The following TRIM3 variants were observed in gnomAD, a reference collection of about 807,000 sequenced individuals.
The protein encoded by TRIM3 is tripartite motif containing 3, also known as tripartite motif-containing protein 3.
A neutral mutation model predicts 66.6 loss-of-function variants in TRIM3; 13 were observed. The observed-to-expected ratio is 0.20, with a 90% CI of 0.13 to 0.31. The LOEUF is 0.31. Ranked by LOEUF, TRIM3 falls within the 10% of genes least tolerant of loss-of-function variation. The pLI, the probability that TRIM3 is intolerant of heterozygous loss-of-function variation, is 1.00. For missense variants in TRIM3, 711 were observed against 1,020.4 expected (o/e 0.70, Z 4.13); for synonymous variants, 406 against 411.7 (o/e 0.99, Z 0.17).
At chr11:6,464,044 T>C (rs1850347626) in intron 2 of TRIM3, among the ~76,000 whole-genome samples, 1 of 152,118 alleles carries the variant, frequency 6.6e-6, no homozygotes, top group Non-Finnish European at 1.5e-5. Context: ...TGAGAAGACC[T>C]AGGGACCAGG....
chr11:6,454,618 C>T (rs1440052870), intron 7 of TRIM3, among the ~76,000 whole-genome samples: 3 of 152,150 alleles, frequency 2.0e-5, no homozygotes, highest in Non-Finnish European at 4.4e-5. Flanking sequence ...TACTCCCCCG[C>T]AATCCCCTCC....
intron 2 of TRIM3, among the ~76,000 whole-genome samples, chr11:6,459,796 G>C (rs749625878): frequency 1.3e-5 from 2 of 152,208 alleles, no homozygotes; most frequent in Admixed American, 6.5e-5. Context: ...TCCTAGCTTT[G>C]ATAACTGAGT....
rs903987695 is a variant in TRIM3 at position 6,451,364 on chromosome 11, G to A, written c.1608C>T (p.Pro536=). ...RGRSPGQLQR[P]TGVAVDTNGD... ...CATTGGTGTCCACTGCCACACCTGT[G>A]GGGCGCTGCAGCTGCCCAGGTGAGC... The change falls in exon 8 of 12, where the codon CCC becomes CCT. Residue 536 remains proline (P), a synonymous_variant. Transcript: ENST00000345851. 3.7e-6 allele frequency: 6 copies of A among 1,614,096 alleles called. No homozygotes were observed. The East Asian group carries it at 1.3e-4, about 36-fold the overall frequency.
chr11:6,459,657 G>A (rs1002977664), intron 2 of TRIM3, among the ~76,000 whole-genome samples: 2 of 152,196 alleles, frequency 1.3e-5, no homozygotes, highest in Non-Finnish European at 2.9e-5. Context: ...CTGGATTTAG[G>A]CAATAGTAAT....
chr11:6,456,259 A>C lies in TRIM3; in HGVS notation c.1429+38T>G. ...CCCTTCCCTCCCCACCCACTACCTG[A>C]GCCTGGCCCATCTGGCTCTGCCCTC... On this transcript the variant is annotated intron_variant, in intron 6 of 11. Coordinates refer to ENST00000345851, the MANE Select transcript of TRIM3 (RefSeq NM_033278.4). The surrounding 1 kb of genome is among the most constrained non-coding windows in gnomAD (Gnocchi z 6.4). 4 of 1,589,928 alleles carry C rather than the reference A, an allele frequency of 2.5e-6. No homozygotes were observed. Among genetic ancestry groups the C allele is most frequent in the Non-Finnish European group, 3.4e-6 (4 of 1,165,064 alleles).
chr11:6,464,245 C>T (rs1019022717), intron 2 of TRIM3, among the ~76,000 whole-genome samples: 1 of 152,210 alleles, frequency 6.6e-6, no homozygotes, highest in Non-Finnish European at 1.5e-5. Context: ...ATAATACTCT[C>T]AGTCACACTC....
intron 1 of TRIM3, 66 bp from the exon 2 acceptor site, chr11:6,465,798 T>C: frequency 6.9e-7 from 1 of 1,457,950 alleles, no homozygotes; most frequent in Non-Finnish European, 9.4e-7. Context: ...TCCCCGCCAC[T>C]CAAATCCCCT....
At chr11:6,461,096 G>C (rs2134199562) in intron 2 of TRIM3, among the ~76,000 whole-genome samples, 1 of 151,966 alleles carries the variant, frequency 6.6e-6, no homozygotes, top group South Asian at 2.1e-4. Flanking sequence ...AGTAGAGATG[G>C]GGTTTTGTCA....
rs1223553924 is a variant in TRIM3 at position 6,457,571 on chromosome 11, CTCCTTCCTGAG to C, written c.516-106_516-96del. On this transcript the variant is annotated intron_variant, in intron 4 of 11. Coordinates refer to ENST00000345851, the MANE Select transcript of TRIM3 (RefSeq NM_033278.4). This position sits in a 1 kb window ranked among gnomAD's most constrained non-coding sequence, Gnocchi z 4.5. Reference sequence around the variant, plus strand: ...AACCTACTGCTGCCCTCATGGAGATCTCCTTCCTGAGACCTCCCTGAGACTTCCATCTCTGC... The same window carrying C: ...AACCTACTGCTGCCCTCATGGAGATCACCTCCCTGAGACTTCCATCTCTGC... The C allele has an allele frequency of 6.4e-7, 1 of 1,553,306 alleles. No homozygotes were observed. The highest frequency in any genetic ancestry group is 1.7e-5 in the Admixed American group (1 of 57,758).
At position 6,448,707 on chromosome 11, in the gene TRIM3, G is replaced by T. The variant is rs1258727078; in HGVS notation, c.*321C>A. ...TAGGGAGACAACTAGAGGGACTCCT[G>T]TCCTGGGGTAGGCTGTTCTGGCCCC... On this transcript the variant is annotated 3_prime_UTR_variant, in exon 12 of 12. Transcript: ENST00000345851. The T allele has an allele frequency of 3.1e-5, 19 of 604,396 alleles. No individual in the cohort carries two copies. Among genetic ancestry groups the T allele is most frequent in the Middle Eastern group, 2.6e-4 (1 of 3,916 alleles). 37.4% of individuals were successfully genotyped at this position (604,396 alleles called of 1,614,324 possible). A position where few individuals can be genotyped will look rare whatever the true frequency, so the allele number is the denominator to read the frequency against.
chr11:6,451,368 C>T lies in TRIM3; in HGVS notation c.1604G>A (p.Arg535His), dbSNP rs756669130. Residue 535 changes from arginine to histidine, a missense_variant, in exon 8 of 12, where the codon CGC (arginine) becomes CAC (histidine). Physicochemically the swap from Arg to His is conservative, Grantham distance 29. Coordinates refer to ENST00000345851, the MANE Select transcript of TRIM3 (RefSeq NM_033278.4). Reference protein sequence around the residue: ...VRGRSPGQLQRPTGVAVDTNG... With the variant: ...VRGRSPGQLQHPTGVAVDTNG... Reference sequence around the variant, plus strand: ...GGTGTCCACTGCCACACCTGTGGGGCGCTGCAGCTGCCCAGGTGAGCGTCC... The same window carrying T: ...GGTGTCCACTGCCACACCTGTGGGGTGCTGCAGCTGCCCAGGTGAGCGTCC... 1.9e-5 allele frequency: 30 copies of T among 1,614,090 alleles called. No homozygotes were observed. The highest frequency in any genetic ancestry group is 4.5e-5 in the East Asian group (2 of 44,896).
At position 6,449,529 on chromosome 11, in the gene TRIM3, G is replaced by T; in HGVS notation, c.1942-83C>A. ...TGGAGGAGGATAGGGTGAAGCCCCA[G>T]GGCTGAGAACCCCCACCCAGATCTA... On this transcript the variant is annotated intron_variant, in intron 10 of 11. Coordinates refer to ENST00000345851, the MANE Select transcript of TRIM3 (RefSeq NM_033278.4). This position sits in a 1 kb window ranked among gnomAD's most constrained non-coding sequence, Gnocchi z 5.3. The T allele has an allele frequency of 7.1e-7, 1 of 1,400,154 alleles. No individual in the cohort carries two copies. Among genetic ancestry groups the T allele is most frequent in the Non-Finnish European group, 9.7e-7 (1 of 1,034,696 alleles). 86.7% of individuals were successfully genotyped at this position (1,400,154 alleles called of 1,614,324 possible).
At position 6,450,695 on chromosome 11, in the gene TRIM3, T is replaced by A; in HGVS notation, c.1871-74A>T. ...GGATGGGGAAGAGTATCTGGGAAGA[T>A]AAAAGCTAGGGTGTTAGGAGAGGGG... On this transcript the variant is annotated intron_variant, in intron 9 of 11. Coordinates refer to ENST00000345851, the MANE Select transcript of TRIM3 (RefSeq NM_033278.4). The surrounding 1 kb of genome is among the most constrained non-coding windows in gnomAD (Gnocchi z 4.8). 1 of 1,509,996 alleles carries A rather than the reference T, an allele frequency of 6.6e-7. No individual in the cohort carries two copies. Among genetic ancestry groups the A allele is most frequent in the Non-Finnish European group, 9.2e-7 (1 of 1,086,998 alleles). The allele number at this position is 1,509,996 out of a possible 1,614,324, so 93.5% of individuals were successfully genotyped here.
chr11:6,460,407 T>C (rs1850175447), intron 2 of TRIM3, among the ~76,000 whole-genome samples: 1 of 152,030 alleles, frequency 6.6e-6, no homozygotes, highest in Non-Finnish European at 1.5e-5. Context: ...GTTTTGAGCA[T>C]GTTTATGAAT....
rs370951694 is a variant in TRIM3 at position 6,449,175 on chromosome 11, G to A, written c.2088C>T (p.Phe696=). ...AGGACAGGAAGGAGCCAGAGCTGTC[G>A]AATACCTGGGGAAGGAGTGCAGAAA... ...ADWGNSRIQV[F]DSSGSFLSYI... is the part of the protein sequence containing the mutation. The change falls in exon 12 of 12, where the codon TTC becomes TTT. Residue 696 remains phenylalanine, a synonymous_variant. Transcript: ENST00000345851. This position sits in a 1 kb window ranked among gnomAD's most constrained non-coding sequence, Gnocchi z 5.3. 42 of 1,614,022 alleles carry A rather than the reference G, an allele frequency of 2.6e-5. No homozygotes were observed. The highest frequency in any genetic ancestry group is 3.3e-4 in the Middle Eastern group (2 of 6,060).
In TRIM3 at chr11:6,456,231, C is replaced by T. The variant is rs1849961186; in HGVS notation, c.1430-56G>A. The stretch of plus-strand genomic sequence containing the variant: ...TAATTCATTCAGAGGTCATCTTGAA[C>T]CTCCCTTCCCTCCCCACCCACTACC... On this transcript the variant is annotated intron_variant, in intron 6 of 11. Coordinates refer to ENST00000345851, the MANE Select transcript of TRIM3 (RefSeq NM_033278.4). This position sits in a 1 kb window ranked among gnomAD's most constrained non-coding sequence, Gnocchi z 6.4. 38 of 1,595,322 alleles carry T rather than the reference C, an allele frequency of 2.4e-5. No homozygotes were observed. The South Asian group carries it at 3.8e-4, about 16-fold the overall frequency.
intron 2 of TRIM3, among the ~76,000 whole-genome samples, chr11:6,460,820 G>A (rs911192330): frequency 1.3e-5 from 2 of 151,312 alleles, no homozygotes; most frequent in African/African-American, 4.9e-5. Context: ...CAAACACTAT[G>A]TGCCAGGCAT....
rs1850018767 is a variant in TRIM3 at position 6,456,928 on chromosome 11, C to T, written c.798G>A (p.Glu266=). The change falls in exon 6 of 12, where the codon GAG becomes GAA. Residue 266 remains glutamate (E), a synonymous_variant. Transcript: ENST00000345851. The surrounding 1 kb of genome is among the most constrained non-coding windows in gnomAD (Gnocchi z 6.4). The part of the protein sequence containing the change: ...EQALRLGSAP[E]VLLVRKHMRE... ...GCATGTGCTTGCGCACCAGCAACAC[C>T]TCCGGGGCCGAGCCCAGGCGCAGTG... is the stretch of plus-strand genomic sequence containing the variant. 2 of 1,611,132 alleles carry T rather than the reference C, an allele frequency of 1.2e-6. No homozygotes were observed. The highest frequency in any genetic ancestry group is 4.5e-5 in the East Asian group (2 of 44,874).
chr11:6,454,646 C>T (rs150320888), intron 7 of TRIM3, among the ~76,000 whole-genome samples: 3,868 of 152,242 alleles, frequency 0.025, 71 homozygotes, highest in Non-Finnish European at 0.037. Flanking sequence ...CCAGGCTGGG[C>T]CCAAATGCCT....
Sources: allele counts gnomAD v4.1 joint callset (sites outside exome capture counted in the v4.1 genomes callset), GRCh38; gene constraint gnomAD v4.1.1; non-coding constraint Gnocchi (gnomAD v3.1); transcripts MANE v1.5; gene names NCBI Gene and HGNC (gene_info 2026-07-23, HGNC 2026-07-21).